The following SLC25A23 variants were observed in gnomAD, a reference collection of about 807,000 sequenced individuals.
SLC25A23 encodes the protein mitochondrial adenyl nucleotide antiporter SLC25A23.
A neutral mutation model predicts 53.9 loss-of-function variants in SLC25A23; 32 were observed. The observed-to-expected ratio is 0.59, with a 90% confidence interval of 0.45 to 0.80. The LOEUF (loss-of-function observed/expected upper bound fraction) is 0.80, where lower values mean the gene tolerates loss of function less well. SLC25A23 is among the 30% of genes least tolerant of loss of function. The pLI, the probability that SLC25A23 is intolerant of heterozygous loss-of-function variation, is 0.00. For synonymous variants in SLC25A23, 275 were observed against 264.5 expected (o/e 1.04, Z -0.38); for missense variants, 575 against 651.4 (o/e 0.88, Z 1.28).
intron 9 of SLC25A23, among the ~76,000 whole-genome samples, chr19:6,442,861 T>C (rs1286390892): frequency 6.6e-6 from 1 of 150,528 alleles, no homozygotes; most frequent in Non-Finnish European, 1.5e-5. Context: ...CTTGAACTCT[T>C]AACCTCAGGT....
chr19:6,450,729 T>A (rs2092575892), intron 8 of SLC25A23, among the ~76,000 whole-genome samples: 1 of 152,084 alleles, frequency 6.6e-6, no homozygotes, highest in Non-Finnish European at 1.5e-5. Flanking sequence ...TAGATCAGAA[T>A]CAGCTACATA....
intron 3 of SLC25A23, among the ~76,000 whole-genome samples, chr19:6,457,143 G>A (rs1254129017): frequency 2.7e-5 from 4 of 148,614 alleles, no homozygotes; most frequent in Non-Finnish European, 5.9e-5. Context: ...TTGGCTCACT[G>A]CAACCTCCAC....
At chr19:6,453,018 G>A (rs1885548225) in intron 7 of SLC25A23, among the ~76,000 whole-genome samples, 2 of 152,166 alleles carry the variant, frequency 1.3e-5, no homozygotes, top group African/African-American at 4.8e-5. Flanking sequence ...GTACACATAA[G>A]GTTCAGAAAG....
chr19:6,457,716 G>C, intron 2 of SLC25A23, 126 bp from the exon 3 acceptor site: 2 of 777,220 alleles, frequency 2.6e-6, no homozygotes, highest in Admixed American at 2.3e-5. Flanking sequence ...AGAAACCTAG[G>C]AGGAGGTTTG....
chr19:6,450,970 C>T (rs1018033020), intron 8 of SLC25A23, among the ~76,000 whole-genome samples: 4 of 151,054 alleles, frequency 2.6e-5, no homozygotes, highest in Non-Finnish European at 4.4e-5. Flanking sequence ...CTCAGCTACT[C>T]GGGAGGCTGA....
At chr19:6,455,877 C>T (rs1477080415) in intron 4 of SLC25A23, 4 of 515,308 alleles carry the variant, frequency 7.8e-6, no homozygotes, top group Non-Finnish European at 1.3e-5. Context: ...TGCCACTACA[C>T]CTGGCTCATT....
chr19:6,449,475 C>T (rs2092555219), intron 8 of SLC25A23, among the ~76,000 whole-genome samples: 1 of 151,318 alleles, frequency 6.6e-6, no homozygotes, highest in African/African-American at 2.4e-5. Flanking sequence ...AGTGCAGTGG[C>T]ACGATCTCAG....
At chr19:6,444,422 C>T in intron 8 of SLC25A23, 121 bp from the exon 9 acceptor site, 1 of 1,098,550 alleles carries the variant, frequency 9.1e-7, no homozygotes, top group Non-Finnish European at 1.3e-6. Context: ...CTTGGTACCT[C>T]CTAGGGGCCG....
At chr19:6,453,061 T>C (rs780468267) in intron 7 of SLC25A23, among the ~76,000 whole-genome samples, 7 of 152,166 alleles carry the variant, frequency 4.6e-5, no homozygotes, top group Non-Finnish European at 1.0e-4. Context: ...TTTCCTTTTT[T>C]ATTGCTTCTT....
In SLC25A23 at chr19:6,454,521, G is replaced by A. The variant is rs1341879186; in HGVS notation, c.642+38C>T. Reference sequence around the variant, plus strand: ...TTGGAGGTCCCCTCCCAGGTGTCAGGCCTGGGGGAGGGGGCAGGTCTCTCC... The same window carrying A: ...TTGGAGGTCCCCTCCCAGGTGTCAGACCTGGGGGAGGGGGCAGGTCTCTCC... On this transcript the variant is annotated intron_variant, in intron 5 of 9. Coordinates refer to ENST00000301454, the MANE Select transcript of SLC25A23 (RefSeq NM_024103.3). This position sits in a 1 kb window ranked among gnomAD's most constrained non-coding sequence, Gnocchi z 4.3. 1.2e-6 allele frequency: 2 copies of A among 1,613,172 alleles called. No homozygotes were observed. The highest frequency in any genetic ancestry group is 1.3e-5 in the African/African-American group (1 of 74,924).
At position 6,457,507 on chromosome 19, in the gene SLC25A23, G is replaced by A; in HGVS notation, c.367C>T (p.His123Tyr). The change falls in exon 3 of 10, where the codon CAC becomes TAC. Residue 123 changes from histidine (H) to tyrosine (Y), a missense_variant. Coordinates refer to ENST00000301454, the MANE Select transcript of SLC25A23 (RefSeq NM_024103.3). ...ISLEQAEKIL[H>Y]SMDRDGTMTI... ...TCCAGACCCCCAGCGACTCACCTGTGCAAAATTTTCTCAGCCTGCTCCAGC... is the reference window on the plus strand; with the variant it reads ...TCCAGACCCCCAGCGACTCACCTGTACAAAATTTTCTCAGCCTGCTCCAGC... 6 of 1,614,022 alleles carry A rather than the reference G, an allele frequency of 3.7e-6. No individual in the cohort carries two copies. Among genetic ancestry groups the A allele is most frequent in the African/African-American group, 1.3e-5 (1 of 75,036 alleles).
chr19:6,437,377 ATG>A (rs2092339409), downstream of SLC25A23, among the ~76,000 whole-genome samples: 1 of 152,252 alleles, frequency 6.6e-6, no homozygotes, highest in Admixed American at 6.5e-5. Context: ...CCCCAAAAAG[ATG>A]TGTTCAAGCC....
At chr19:6,455,780 C>T (rs1283811814) in intron 4 of SLC25A23, among the ~76,000 whole-genome samples, 1 of 148,020 alleles carries the variant, frequency 6.8e-6, no homozygotes, top group Non-Finnish European at 1.5e-5. Flanking sequence ...TGCAGTGGCA[C>T]GATCTCGGCT....
chr19:6,452,522 A>G, intron 7 of SLC25A23, 43 bp from the exon 8 acceptor site: 1 of 1,571,666 alleles, frequency 6.4e-7, no homozygotes, highest in Non-Finnish European at 8.7e-7. Context: ...GTCCCACCAA[A>G]TCGCTACATC....
At chr19:6,450,223 C>A (rs558652432) in intron 8 of SLC25A23, among the ~76,000 whole-genome samples, 8 of 151,732 alleles carry the variant, frequency 5.3e-5, no homozygotes, top group East Asian at 3.9e-4. Context: ...CCTGATCAGT[C>A]CCCCCCAGAC....
At chr19:6,438,691 A>G (rs539678932), downstream of SLC25A23, 1 of 223,876 alleles carries the variant, frequency 4.5e-6, no homozygotes, top group Non-Finnish European at 9.7e-6. Flanking sequence ...TCTACTAAAA[A>G]TACAAAAATT....
Position 6,441,897 on chromosome 19 carries a change from G to A in SLC25A23, c.*78C>T. ...TGGGATCTCGTGGCCAAAGAGTAGG[G>A]ATCCTGTGGTTGGATCATCAGTCTC... On this transcript the variant is annotated 3_prime_UTR_variant, in exon 10 of 10. Coordinates refer to ENST00000301454, the MANE Select transcript of SLC25A23 (RefSeq NM_024103.3). 1 of 1,392,964 alleles carries A rather than the reference G, an allele frequency of 7.2e-7. No individual in the cohort carries two copies. The highest frequency in any genetic ancestry group is 1.0e-6 in the Non-Finnish European group (1 of 994,798). The allele number at this position is 1,392,964 out of a possible 1,614,324, so 86.3% of individuals were successfully genotyped here.
rs1231682543 is a variant in SLC25A23, at chr19:6,452,272, C to A, written c.1071+40G>T. On this transcript the variant is annotated intron_variant, in intron 8 of 9. Transcript: ENST00000301454. ...GAAGGGGTGTCCTGTGGGTAAATCC[C>A]AGAGGGGAGCAGGGAAAGAGGAACG... 1.9e-6 allele frequency: 3 copies of A among 1,574,716 alleles called. 1 individual carries two copies. In the South Asian group the frequency reaches 3.5e-5, roughly 18 times the overall value.
At chr19:6,457,058 T>C (rs571042723) in intron 3 of SLC25A23, among the ~76,000 whole-genome samples, 1 of 141,684 alleles carries the variant, frequency 7.1e-6, no homozygotes, top group East Asian at 1.9e-4. Context: ...AATTTGAATT[T>C]TTCTTTCTTT....
Sources: gnomAD v4.1 joint callset for allele counts (sites outside exome capture counted in the v4.1 genomes callset) on GRCh38, gnomAD v4.1.1 for gene constraint, Gnocchi (gnomAD v3.1) non-coding constraint, MANE v1.5 for transcripts, NCBI Gene and HGNC (gene_info 2026-07-23, HGNC 2026-07-21) for gene names.